The following CPPED1 variants were observed in gnomAD, a reference collection of about 807,000 sequenced individuals.
The protein encoded by CPPED1 is serine/threonine-protein phosphatase CPPED1.
In CPPED1, 28 loss-of-function variants were observed where a neutral mutation model predicts 28.0. The observed-to-expected ratio is 1.00, with a 90% CI of 0.74 to 1.37. The LOEUF (loss-of-function observed/expected upper bound fraction) is 1.37. Among genes scored for constraint, CPPED1 ranks in the 40% most tolerant of loss-of-function variants. CPPED1 has a pLI of 0.00. For synonymous variants in CPPED1, 198 were observed against 180.2 expected, an observed-to-expected ratio of 1.10 and a Z score of -0.79; for missense variants, 504 against 416.5, an observed-to-expected ratio of 1.21 and a Z score of -1.83.
At chr16:12,691,893 A>G (rs112921085) in intron 3 of CPPED1, among the ~76,000 whole-genome samples, 23,898 of 140,380 alleles carry the variant, frequency 0.17, 4,212 homozygotes, top group African/African-American at 0.41. Context: ...CAGCACACCA[A>G]CATGGCACAT....
At chr16:12,748,230 G>A (rs1285584473) in intron 2 of CPPED1, among the ~76,000 whole-genome samples, 1 of 152,042 alleles carries the variant, frequency 6.6e-6, no homozygotes, top group East Asian at 1.9e-4. Flanking sequence ...ACAGCACAAT[G>A]GTTAACTAAA....
At chr16:12,789,580 C>G (rs1376641701) in intron 1 of CPPED1, among the ~76,000 whole-genome samples, 1 of 152,158 alleles carries the variant, frequency 6.6e-6, no homozygotes, top group Non-Finnish European at 1.5e-5. Flanking sequence ...GGTTGGAGTG[C>G]AGTGGCATGA....
At chr16:12,737,027 T>C (rs1003925022) in intron 2 of CPPED1, among the ~76,000 whole-genome samples, 1 of 151,918 alleles carries the variant, frequency 6.6e-6, no homozygotes, top group African/African-American at 2.4e-5. Context: ...CTGTCTCTAC[T>C]AAAAATACAA....
Position 12,664,415 on chromosome 16 carries a change from GGAAAGGA to G in CPPED1, c.*464_*470del. 9.9e-7 allele frequency: 1 copy of G among 1,010,574 alleles called. No homozygotes were observed. Among genetic ancestry groups the G allele is most frequent in the Non-Finnish European group, 1.2e-6 (1 of 847,168 alleles). The allele number at this position is 1,010,574 out of a possible 1,614,324, so 62.6% of individuals were successfully genotyped here. A position where few individuals can be genotyped will look rare whatever the true frequency, so the allele number is the denominator to read the frequency against. ...AGACAGCTGTTCGTTCCGCTGGAAA[GGAAAGGA>G]GATGAACTTTGTTTTGCCTAGCGTT... On this transcript the variant is annotated 3_prime_UTR_variant, in exon 4 of 4. Coordinates refer to ENST00000381774, the MANE Select transcript of CPPED1 (RefSeq NM_018340.3). The surrounding 1 kb of genome is among the most constrained non-coding windows in gnomAD (Gnocchi z 4.2).
intron 1 of CPPED1, among the ~76,000 whole-genome samples, chr16:12,785,109 T>C (rs1050762069): frequency 6.6e-6 from 1 of 152,210 alleles, no homozygotes; most frequent in African/African-American, 2.4e-5. Flanking sequence ...TTTGGTCTCA[T>C]CGTAATTTCT....
chr16:12,679,132 G>C (rs1353150174), intron 3 of CPPED1, among the ~76,000 whole-genome samples: 1 of 152,154 alleles, frequency 6.6e-6, no homozygotes, highest in East Asian at 1.9e-4. Flanking sequence ...AACTCCTCAG[G>C]AGGACCTAAA....
intron 1 of CPPED1, among the ~76,000 whole-genome samples, chr16:12,786,589 C>T (rs16960676): frequency 0.12 from 17,974 of 152,160 alleles, 1,227 homozygotes; most frequent in African/African-American, 0.17. Context: ...TCACCCTTTA[C>T]ATTGCCTTGC....
intron 2 of CPPED1, among the ~76,000 whole-genome samples, chr16:12,723,351 C>A (rs1004892595): frequency 4.6e-5 from 7 of 152,178 alleles, no homozygotes; most frequent in Non-Finnish European, 8.8e-5. Context: ...TATTTGAAGT[C>A]CTGACCCCAG....
intron 2 of CPPED1, among the ~76,000 whole-genome samples, chr16:12,715,446 G>A (rs559261523): frequency 3.7e-4 from 56 of 152,170 alleles, no homozygotes; most frequent in Non-Finnish European, 6.5e-4. Context: ...GATCACTTGA[G>A]GTCAAGAGTT....
intron 3 of CPPED1, among the ~76,000 whole-genome samples, chr16:12,666,732 G>A (rs1032026200): frequency 6.6e-6 from 1 of 152,140 alleles, no homozygotes; most frequent in Non-Finnish European, 1.5e-5. Context: ...ATGGATGACA[G>A]CAATATTTAG....
chr16:12,770,887 G>T (rs1479135867), intron 2 of CPPED1, among the ~76,000 whole-genome samples: 4 of 116,754 alleles, frequency 3.4e-5, no homozygotes, highest in African/African-American at 1.1e-4. Flanking sequence ...AGGAAAGGAA[G>T]GGGGAGGGGC....
chr16:12,796,219 C>G (rs901885349), intron 1 of CPPED1, among the ~76,000 whole-genome samples: 5 of 151,946 alleles, frequency 3.3e-5, no homozygotes, highest in African/African-American at 1.2e-4. Flanking sequence ...ACTGGCCAGG[C>G]ACTGTGGCTC....
In CPPED1 at chr16:12,670,126, G is replaced by A. The variant is rs114334068; in HGVS notation, c.716-5011C>T. Among the ~76,000 whole-genome samples, 1,652 of 152,192 alleles carry A rather than the reference G, an allele frequency of 0.011. 25 individuals carry two copies. Among genetic ancestry groups the A allele is most frequent in the African/African-American group, 0.038 (1,568 of 41,528 alleles). On this transcript the variant is annotated intron_variant, in intron 3 of 3. Transcript: ENST00000381774. The surrounding 1 kb of genome is among the most constrained non-coding windows in gnomAD (Gnocchi z 4.2). ...AGCCTGGGCAACACAGTGAGATCCC[G>A]TCTCTACAAAACATTACAAAATTAG...
At chr16:12,727,544 G>C (rs2080176528) in intron 2 of CPPED1, among the ~76,000 whole-genome samples, 1 of 151,958 alleles carries the variant, frequency 6.6e-6, no homozygotes, top group Admixed American at 6.6e-5. Context: ...GTAGAGATGG[G>C]GTCTATGTTG....
chr16:12,782,552 T>TG (rs1567305507), intron 1 of CPPED1, among the ~76,000 whole-genome samples: 2 of 150,964 alleles, frequency 1.3e-5, no homozygotes. Flanking sequence ...GGCTGTTTTT[T>TG]TTTTTTTTTT....
At position 12,682,913 on chromosome 16, in the gene CPPED1, C is replaced by T. The variant is rs966076428; in HGVS notation, c.716-17798G>A. Among the ~76,000 whole-genome samples, 22 of 152,224 alleles carry T rather than the reference C, an allele frequency of 1.4e-4. No homozygotes were observed. The highest frequency in any genetic ancestry group is 5.3e-4 in the African/African-American group (22 of 41,446). On this transcript the variant is annotated intron_variant, in intron 3 of 3. Coordinates refer to ENST00000381774, the MANE Select transcript of CPPED1 (RefSeq NM_018340.3). The surrounding 1 kb of genome is among the most constrained non-coding windows in gnomAD (Gnocchi z 6.1). Reference sequence around the variant, plus strand: ...GGACAATTTTCTAGATTTCCATGCTCTATCTTAAACACAGCTGTCAGGACA... The same window carrying T: ...GGACAATTTTCTAGATTTCCATGCTTTATCTTAAACACAGCTGTCAGGACA...
chr16:12,745,227 A>C (rs2080279421), intron 2 of CPPED1, among the ~76,000 whole-genome samples: 1 of 152,204 alleles, frequency 6.6e-6, no homozygotes, highest in Non-Finnish European at 1.5e-5. Context: ...AAATCTCTTC[A>C]AATATGATGC....
intron 2 of CPPED1, among the ~76,000 whole-genome samples, chr16:12,780,179 G>C (rs922916379): frequency 2.6e-5 from 4 of 151,794 alleles, no homozygotes; most frequent in African/African-American, 9.7e-5. Context: ...TTTTTTGTTT[G>C]TTTGTGTTTT....
intron 2 of CPPED1, among the ~76,000 whole-genome samples, chr16:12,713,689 AATATG>A (rs1204281592): frequency 2.6e-5 from 4 of 152,218 alleles, no homozygotes; most frequent in African/African-American, 9.6e-5. Context: ...ATCTTACTAA[AATATG>A]ATATGTGTTT....
Sources: gnomAD v4.1 joint callset for allele counts (sites outside exome capture counted in the v4.1 genomes callset) on GRCh38, gnomAD v4.1.1 for gene constraint, Gnocchi (gnomAD v3.1) non-coding constraint, MANE v1.5 for transcripts, NCBI Gene and HGNC (gene_info 2026-07-23, HGNC 2026-07-21) for gene names.